ARHGAP44: variants seen among roughly 807,000 people sequenced by gnomAD.
ARHGAP44 encodes the protein Rho GTPase activating protein 44.
Under a neutral mutation model 106.8 loss-of-function variants are expected in ARHGAP44, and 43 were observed. That is an observed-to-expected ratio of 0.40 (90% confidence interval 0.32 to 0.52). The LOEUF (loss-of-function observed/expected upper bound fraction) is 0.52. Among genes scored for constraint, ARHGAP44 ranks in the 20% least tolerant of loss-of-function variants. The probability of loss-of-function intolerance (pLI) is 0.48; values close to 1 mark genes in which losing one functional copy is unlikely to be tolerated. For missense variants in ARHGAP44, 866 were observed against 1,050.5 expected (o/e 0.82, Z 2.43); for synonymous variants, 439 against 410.3 (o/e 1.07, Z -0.85).
intron 1 of ARHGAP44, among the ~76,000 whole-genome samples, chr17:12,817,825 T>A (rs1213666624): frequency 6.6e-6 from 1 of 151,950 alleles, no homozygotes; most frequent in Non-Finnish European, 1.5e-5. Flanking sequence ...AAAGAAGAAA[T>A]AATGTATCTT....
Position 12,896,460 on chromosome 17 carries a change from G to A in ARHGAP44, c.147G>A (p.Lys49=). ...VKQVSHSTHK[K]LTACLQGQQG... is the part of the protein sequence containing the mutation. ...AGGTGTCCCACAGCACGCACAAGAA[G>A]CTCACCGCATGTCTGCAGGGCCAGC... The change falls in exon 3 of 21, where the codon AAG becomes AAA. Residue 49 remains lysine (K), a synonymous_variant. Transcript: ENST00000379672. 1.9e-6 allele frequency: 3 copies of A among 1,610,246 alleles called. No individual in the cohort carries two copies. Among genetic ancestry groups the A allele is most frequent in the South Asian group, 2.2e-5 (2 of 89,812 alleles).
chr17:12,951,079 T>C (rs745919434), intron 12 of ARHGAP44, among the ~76,000 whole-genome samples: 13 of 152,222 alleles, frequency 8.5e-5, no homozygotes, highest in Non-Finnish European at 1.6e-4. Context: ...GATTATGCAC[T>C]TCAAAAGGCT....
intron 3 of ARHGAP44, among the ~76,000 whole-genome samples, chr17:12,903,128 A>AGAGAG (rs2037437120): frequency 3.7e-5 from 3 of 81,130 alleles, no homozygotes; most frequent in African/African-American, 1.4e-4. Flanking sequence ...GAGAGAGAGG[A>AGAGAG]GAGAGAGAGA....
In ARHGAP44 at chr17:12,852,854, TA is replaced by T. The variant is rs1423867695; in HGVS notation, c.54-42079del. Among the ~76,000 whole-genome samples, 4 of 152,322 alleles carry T rather than the reference TA, an allele frequency of 2.6e-5. No homozygotes were observed. In the East Asian group the frequency reaches 7.7e-4, roughly 29 times the overall value. On this transcript the variant is annotated intron_variant, in intron 1 of 20. Transcript: ENST00000379672. ...CTGTGCCTGGCTTGTTTGCTGTGTT[TA>T]AAAAAAGTTGTTTTGTTTTTTGAGG... is the stretch of plus-strand genomic sequence containing the variant.
chr17:12,845,501 C>T (rs1231716546), intron 1 of ARHGAP44, among the ~76,000 whole-genome samples: 7 of 102,168 alleles, frequency 6.9e-5, no homozygotes, highest in African/African-American at 4.5e-4. Context: ...AGCAAGACTC[C>T]GTCTCAAAAA....
chr17:12,849,651 G>T (rs2035684681), intron 1 of ARHGAP44, among the ~76,000 whole-genome samples: 1 of 122,556 alleles, frequency 8.2e-6, no homozygotes, highest in South Asian at 2.6e-4. Flanking sequence ...TCCTGCTGTT[G>T]CTCAACAGTA....
At chr17:12,967,537 C>G (rs578062297) in intron 16 of ARHGAP44, among the ~76,000 whole-genome samples, 110 of 152,242 alleles carry the variant, frequency 7.2e-4, no homozygotes, top group Non-Finnish European at 1.2e-3. Flanking sequence ...CACATGGTTT[C>G]CTTGCTTGCC....
At chr17:12,894,506 C>T (rs753231776) in intron 1 of ARHGAP44, among the ~76,000 whole-genome samples, 2 of 152,114 alleles carry the variant, frequency 1.3e-5, no homozygotes, top group Admixed American at 6.6e-5. Flanking sequence ...GTTGCCAGAC[C>T]GTGGTGGTGG....
At chr17:12,953,778 A>G (rs1354971736) in intron 13 of ARHGAP44, among the ~76,000 whole-genome samples, 1 of 152,240 alleles carries the variant, frequency 6.6e-6, no homozygotes, top group Non-Finnish European at 1.5e-5. Context: ...TTCCACTTAT[A>G]TGAAGTACCT....
chr17:12,950,605 T>C (rs753362561), intron 12 of ARHGAP44, among the ~76,000 whole-genome samples: 21 of 152,076 alleles, frequency 1.4e-4, no homozygotes, highest in Non-Finnish European at 1.9e-4. Flanking sequence ...CTTAAGTAAA[T>C]AGTATTGTTT....
chr17:12,863,107 G>C (rs1244551169), intron 1 of ARHGAP44, among the ~76,000 whole-genome samples: 2 of 152,084 alleles, frequency 1.3e-5, no homozygotes, highest in Non-Finnish European at 2.9e-5. Context: ...GGGCAACAAA[G>C]TGAGACCTCG....
chr17:12,793,686 C>T (rs367902721), intron 1 of ARHGAP44, among the ~76,000 whole-genome samples: 3 of 148,860 alleles, frequency 2.0e-5, no homozygotes, highest in Admixed American at 6.7e-5. Context: ...CCAGCCTGGG[C>T]GACAGAGTGA....
chr17:12,926,467 A>G (rs1457417413), intron 6 of ARHGAP44, among the ~76,000 whole-genome samples: 1 of 107,404 alleles, frequency 9.3e-6, no homozygotes, highest in Non-Finnish European at 1.9e-5. Context: ...TACATATATA[A>G]TATATATAAT....
intron 2 of ARHGAP44, 104 bp downstream of exon 2, chr17:12,895,083 A>G (rs757442458): frequency 9.7e-6 from 10 of 1,026,088 alleles, no homozygotes; most frequent in East Asian, 2.7e-5. Flanking sequence ...GTTAGCCGGG[A>G]TCGTGCCACT....
chr17:12,870,095 C>T (rs2036368147), intron 1 of ARHGAP44, among the ~76,000 whole-genome samples: 1 of 131,220 alleles, frequency 7.6e-6, no homozygotes, highest in Admixed American at 9.0e-5. Flanking sequence ...GTCACTCAGG[C>T]TGGAGTGCAG....
At position 12,958,163 on chromosome 17, in the gene ARHGAP44, G is replaced by C. The variant is rs1488142688; in HGVS notation, c.1343-554G>C. Among the ~76,000 whole-genome samples the C allele has an allele frequency of 6.6e-6, 1 of 152,186 alleles. No homozygotes were observed. The highest frequency in any genetic ancestry group is 2.4e-5 in the African/African-American group (1 of 41,450). ...CATTGACTGGGAAAGGATGGGATGA[G>C]TACTTCTGTATATCTCTTTGACAGC... On this transcript the variant is annotated intron_variant, in intron 15 of 20. Coordinates refer to ENST00000379672, the MANE Select transcript of ARHGAP44 (RefSeq NM_014859.6). This position sits in a 1 kb window ranked among gnomAD's most constrained non-coding sequence, Gnocchi z 4.1.
intron 1 of ARHGAP44, among the ~76,000 whole-genome samples, chr17:12,826,793 A>G (rs1283343315): frequency 6.6e-6 from 1 of 151,976 alleles, no homozygotes; most frequent in East Asian, 1.9e-4. Flanking sequence ...TTATTTGTCC[A>G]TTTCTTACAA....
chr17:12,981,398 G>A (rs1282896388), intron 19 of ARHGAP44, among the ~76,000 whole-genome samples: 3 of 133,774 alleles, frequency 2.2e-5, no homozygotes, highest in Admixed American at 1.4e-4. Context: ...TCTTGGTTAT[G>A]TCTTTTTTTT....
intron 1 of ARHGAP44, among the ~76,000 whole-genome samples, chr17:12,827,998 C>T (rs2034970684): frequency 7.1e-6 from 1 of 140,382 alleles, no homozygotes; most frequent in Non-Finnish European, 1.5e-5. Flanking sequence ...GATCGTGCCA[C>T]TGCTCTCCAG....
Sources: gnomAD v4.1 joint callset for allele counts (sites outside exome capture counted in the v4.1 genomes callset) on GRCh38, gnomAD v4.1.1 for gene constraint, Gnocchi (gnomAD v3.1) non-coding constraint, MANE v1.5 for transcripts, NCBI Gene and HGNC (gene_info 2026-07-23, HGNC 2026-07-21) for gene names.